The following SSPN variants were observed in gnomAD, a reference collection of about 807,000 sequenced individuals.
The protein encoded by SSPN is sarcospan, also known as K-ras oncogene-associated protein.
SSPN carries 15 observed loss-of-function variants against 19.1 expected under a neutral mutation model. That is an observed-to-expected ratio of 0.78 (90% CI 0.52 to 1.21). The LOEUF (loss-of-function observed/expected upper bound fraction) is 1.21, where lower values mean the gene tolerates loss of function less well. SSPN is among the 50% of genes most tolerant of loss of function. The pLI, the probability that SSPN is intolerant of heterozygous loss-of-function variation, is 0.00. For synonymous variants in SSPN, 147 were observed against 140.3 expected (o/e 1.05, Z -0.34); for missense variants, 291 against 314.0 (o/e 0.93, Z 0.55).
intron 1 of SSPN, among the ~76,000 whole-genome samples, chr12:26,166,470 C>G (rs973025976): frequency 3.9e-5 from 6 of 152,322 alleles, no homozygotes; most frequent in African/African-American, 1.4e-4. Flanking sequence ...GTACATTGTA[C>G]ATTGAGAGCC....
chr12:26,138,632 A>G (rs1185145852), intron 1 of SSPN, among the ~76,000 whole-genome samples: 3 of 150,014 alleles, frequency 2.0e-5, no homozygotes, highest in Admixed American at 6.6e-5. Flanking sequence ...AAATAGCCAC[A>G]TGTTAGTGAC....
rs766583720 is a variant in SSPN at position 26,233,355 on chromosome 12, T to TATATATATATATATATATAC, written c.*2280_*2281insTATATATATATATATATACA. The TATATATATATATATATATAC allele has an allele frequency of 5.3e-4, 78 of 146,572 alleles. No homozygotes were observed. The highest frequency in any genetic ancestry group is 2.0e-3 in the African/African-American group (76 of 37,946). 9.1% of individuals were successfully genotyped at this position (146,572 alleles called of 1,614,324 possible). A position where few individuals can be genotyped will look rare whatever the true frequency, so the allele number is the denominator to read the frequency against. On this transcript the variant is annotated 3_prime_UTR_variant, in exon 3 of 3. Transcript: ENST00000242729. The surrounding 1 kb of genome is among the most constrained non-coding windows in gnomAD (Gnocchi z 4.3). ...AGATATATATATATATATATACACA[T>TATATATATATATATATATAC]ACACACACACACACACATATATACT...
intron 1 of SSPN, among the ~76,000 whole-genome samples, chr12:26,220,900 A>G (rs1011942286): frequency 6.6e-6 from 1 of 151,976 alleles, no homozygotes; most frequent in African/African-American, 2.4e-5. Context: ...CCCTACCTCT[A>G]CCTGAGCTCA....
intron 1 of SSPN, among the ~76,000 whole-genome samples, chr12:26,150,945 A>G (rs191815175): frequency 4.7e-4 from 72 of 152,320 alleles, no homozygotes; most frequent in Middle Eastern, 6.8e-3. Flanking sequence ...GAACTCAAGA[A>G]TGCTATTCAT....
chr12:26,183,784 T>C (rs1224854778), intron 1 of SSPN, among the ~76,000 whole-genome samples: 1 of 152,196 alleles, frequency 6.6e-6, no homozygotes, highest in Non-Finnish European at 1.5e-5. Flanking sequence ...TGGACACCAC[T>C]GCCAGTCGGA....
Position 26,230,870 on chromosome 12 carries a change from T to C in SSPN, c.526T>C (p.Phe176Leu), listed in dbSNP as rs78121836. 513 of 1,614,190 alleles carry C rather than the reference T, an allele frequency of 3.2e-4. 2 individuals carry two copies. In the African/African-American group the frequency reaches 6.3e-3, roughly 20 times the overall value. ...LPSSEPLSRTFVYRDVTDCTS... is the reference protein window; with the variant it reads ...LPSSEPLSRTLVYRDVTDCTS... ...CTCCTCGGAGCCGCTCAGCAGGACC[T>C]TTGTTTACCGGGATGTGACGGACTG... The change falls in exon 3 of 3, where the codon TTT becomes CTT. Residue 176 changes from phenylalanine (F) to leucine (L), a missense_variant. Phe to Leu is a conservative substitution (Grantham distance 22). This residue lies in a region of SSPN where 141 missense variants were observed against 166.7 expected (regional missense o/e 0.85). Transcript: ENST00000242729.
rs757400687 is a variant in SSPN at position 26,195,871 on chromosome 12, G to A, written c.199G>A (p.Val67Met). ...GCTGCAGCTGGCCCTGGGCATCGCC[G>A]TGACCGTGGTGGGCTTCCTCATGGC... ...ALLQLALGIA[V>M]TVVGFLMASI... is the part of the protein sequence containing the mutation. Residue 67 changes from valine (V) to methionine (M), a missense_variant, in exon 1 of 3, where the codon GTG becomes ATG. Val to Met is a conservative substitution (Grantham distance 21). Around this residue, in one of 3 missense-constraint regions of SSPN, gnomAD observed 139 missense variants for 119.6 expected, o/e 1.16. Coordinates refer to ENST00000242729, the MANE Select transcript of SSPN (RefSeq NM_005086.5). The A allele has an allele frequency of 1.0e-5, 16 of 1,569,844 alleles. No homozygotes were observed. The highest frequency in any genetic ancestry group is 1.4e-5 in the Non-Finnish European group (16 of 1,161,818).
At position 26,232,420 on chromosome 12, in the gene SSPN, G is replaced by A. The variant is rs1026408440; in HGVS notation, c.*1344G>A. ...GAACTGTATCCATATTTTAAGGAAG[G>A]AGCTAAAAATGGAAATTCATGAAAC... On this transcript the variant is annotated 3_prime_UTR_variant, in exon 3 of 3. Transcript: ENST00000242729. 11 of 985,350 alleles carry A rather than the reference G, an allele frequency of 1.1e-5. No individual in the cohort carries two copies. The highest frequency in any genetic ancestry group is 1.1e-5 in the Non-Finnish European group (9 of 829,900). 61.0% of individuals were successfully genotyped at this position (985,350 alleles called of 1,614,324 possible). A position where few individuals can be genotyped will look rare whatever the true frequency, so the allele number is the denominator to read the frequency against.
intron 1 of SSPN, among the ~76,000 whole-genome samples, chr12:26,215,889 T>C (rs1945042592): frequency 6.6e-6 from 1 of 152,208 alleles, no homozygotes; most frequent in Non-Finnish European, 1.5e-5. Flanking sequence ...CTAAATTTCT[T>C]TATGGGGAAA....
intron 1 of SSPN, chr12:26,122,272 G>C: frequency 8.2e-7 from 1 of 1,215,628 alleles, no homozygotes. Context: ...ACCGAGGACA[G>C]GCAGGGGAAC....
At position 26,224,368 on chromosome 12, in the gene SSPN, T is replaced by C. The variant is rs756348957; in HGVS notation, c.355T>C (p.Phe119Leu). 14 of 1,612,762 alleles carry C rather than the reference T, an allele frequency of 8.7e-6. No homozygotes were observed. In the South Asian group the frequency reaches 1.4e-4, roughly 16 times the overall value. The change falls in exon 2 of 3, where the codon TTT becomes CTT. Residue 119 changes from phenylalanine (F) to leucine (L), a missense_variant. Phe to Leu is a conservative substitution (Grantham distance 22). This residue lies in a region of SSPN where 141 missense variants were observed against 166.7 expected (regional missense o/e 0.85). Coordinates refer to ENST00000242729, the MANE Select transcript of SSPN (RefSeq NM_005086.5). The stretch of plus-strand genomic sequence containing the variant: ...GGTTGACGAACGGACATGTATTCAA[T>C]TTTCTATGAAAGTAAGTTGTGATTG... Reference protein sequence around the residue: ...YQVDERTCIQFSMKLLYFLLS... With the variant: ...YQVDERTCIQLSMKLLYFLLS...
chr12:26,145,978 C>T (rs1944487979), intron 1 of SSPN, among the ~76,000 whole-genome samples: 2 of 152,170 alleles, frequency 1.3e-5, no homozygotes, highest in African/African-American at 4.8e-5. Context: ...GTTCCTATGT[C>T]GACCATTGCC....
chr12:26,203,621 T>C (rs1360581359), intron 1 of SSPN, among the ~76,000 whole-genome samples: 1 of 152,232 alleles, frequency 6.6e-6, no homozygotes, highest in African/African-American at 2.4e-5. Flanking sequence ...TCCATCACCC[T>C]GGTTAATTTT....
chr12:26,195,924 G>A lies in SSPN; in HGVS notation c.252G>A (p.Arg84=). The A allele has an allele frequency of 6.4e-7, 1 of 1,552,858 alleles. No individual in the cohort carries two copies. The highest frequency in any genetic ancestry group is 8.7e-7 in the Non-Finnish European group (1 of 1,153,176). Residue 84 remains arginine (R), a synonymous_variant, in exon 1 of 3, where the codon AGG becomes AGA. Transcript: ENST00000242729. ...GCATCAGCTCCTCCCTGCTAGTCAG[G>A]GACACTCCATTTTGGGCTGGGATCA... ...MASISSSLLV[R]DTPFWAGIIV...
rs180889381 is a variant in SSPN, at chr12:26,176,519, T to G, written c.-30-47774T>G. On this transcript the variant is annotated intron_variant, in intron 1 of 2. Transcript: ENST00000538142. ...TTAAAGCCAGCAAGCACCCTAGACT[T>G]GCTTATGCCTTTTCTGCAGTCAATG... 5.3e-5 allele frequency among the ~76,000 whole-genome samples: 8 copies of G among 152,350 alleles called. No homozygotes were observed. In the East Asian group the frequency reaches 1.5e-3, roughly 29 times the overall value.
At chr12:26,151,781 G>A (rs1944527007) in intron 1 of SSPN, among the ~76,000 whole-genome samples, 1 of 151,992 alleles carries the variant, frequency 6.6e-6, no homozygotes, top group Admixed American at 6.5e-5. Context: ...TGCCACATGT[G>A]GAGAAAAAAA....
chr12:26,229,997 C>A (rs1393463903), intron 2 of SSPN, among the ~76,000 whole-genome samples: 2 of 151,562 alleles, frequency 1.3e-5, no homozygotes, highest in Admixed American at 6.6e-5. Context: ...AATCTGGAGG[C>A]CAACAGTGTT....
intron 1 of SSPN, among the ~76,000 whole-genome samples, chr12:26,159,383 C>T (rs975038700): frequency 3.9e-5 from 6 of 152,234 alleles, no homozygotes; most frequent in African/African-American, 1.4e-4. Flanking sequence ...GGGAAGATGC[C>T]TAGGCAGCAT....
chr12:26,138,557 C>T (rs1944441783), intron 1 of SSPN, among the ~76,000 whole-genome samples: 1 of 152,120 alleles, frequency 6.6e-6, no homozygotes, highest in Non-Finnish European at 1.5e-5. Flanking sequence ...GTTAAAATTG[C>T]TTAGTTTAAC....
Sources: gnomAD v4.1 joint callset for allele counts (sites outside exome capture counted in the v4.1 genomes callset) on GRCh38, gnomAD v4.1.1 for gene constraint, gnomAD v4.1.1 regional missense constraint, Gnocchi (gnomAD v3.1) non-coding constraint, MANE v1.5 for transcripts, NCBI Gene and HGNC (gene_info 2026-07-23, HGNC 2026-07-21) for gene names.